ACAN: variants seen among roughly 807,000 people sequenced by gnomAD.
The protein encoded by ACAN is aggrecan, also known as aggrecan core protein.
A neutral mutation model predicts 169.1 loss-of-function variants in ACAN; 47 were observed. The ratio of observed to expected loss-of-function variants is 0.28; its 90% CI spans 0.22 to 0.35. The LOEUF (loss-of-function observed/expected upper bound fraction) is 0.35, where lower values mean the gene tolerates loss of function less well. Among genes scored for constraint, ACAN ranks in the 10% least tolerant of loss-of-function variants. The pLI, the probability that ACAN is intolerant of heterozygous loss-of-function variation, is 1.00. For synonymous variants in ACAN, 1,115 were observed against 1,112.2 expected (o/e 1.00, Z -0.05); for missense variants, 2,716 against 2,759.9 (o/e 0.98, Z 0.36).
At chr15:88,860,756 A>T (rs1897178534) in intron 13 of ACAN, among the ~76,000 whole-genome samples, 1 of 152,218 alleles carries the variant, frequency 6.6e-6, no homozygotes, top group South Asian at 2.1e-4. Flanking sequence ...AATATCGAGC[A>T]TGGGGTGAGT....
At chr15:88,830,511 A>G (rs138314559) in intron 1 of ACAN, among the ~76,000 whole-genome samples, 1 of 152,320 alleles carries the variant, frequency 6.6e-6, no homozygotes, top group Non-Finnish European at 1.5e-5. Flanking sequence ...ACAGCATGTT[A>G]CTGTACTGAA....
chr15:88,812,298 C>T (rs1352784575), intron 1 of ACAN, among the ~76,000 whole-genome samples: 2 of 152,054 alleles, frequency 1.3e-5, no homozygotes, highest in Non-Finnish European at 2.9e-5. Flanking sequence ...AGGACTCCCA[C>T]CCCCTCCTAA....
chr15:88,859,432 TC>T lies in ACAN; in HGVS notation c.6832+20del, dbSNP rs1406325498. Reference sequence around the variant, plus strand: ...AACTGCTGCAGGTATTGTGATTTTTTCCCCCTTTAAATGTGCTTAGGTAGTT... The same window carrying T: ...AACTGCTGCAGGTATTGTGATTTTTTCCCCTTTAAATGTGCTTAGGTAGTT... On this transcript the variant is annotated intron_variant, in intron 12 of 18. Transcript: ENST00000560601. 3.2e-6 allele frequency: 5 copies of T among 1,552,034 alleles called. No homozygotes were observed. Among genetic ancestry groups the T allele is most frequent in the Non-Finnish European group, 4.4e-6 (5 of 1,147,258 alleles).
At chr15:88,824,803 C>T (rs1040398485) in intron 1 of ACAN, among the ~76,000 whole-genome samples, 14 of 151,668 alleles carry the variant, frequency 9.2e-5, no homozygotes, top group East Asian at 7.7e-4. Flanking sequence ...TGCTTGAGCC[C>T]GGGAGGTGGA....
chr15:88,837,758 C>T (rs1359174608), intron 2 of ACAN, among the ~76,000 whole-genome samples: 1 of 152,170 alleles, frequency 6.6e-6, no homozygotes, highest in Non-Finnish European at 1.5e-5. Flanking sequence ...TCTAAGCATT[C>T]CTCGCTCCCC....
In ACAN at chr15:88,871,279, G is replaced by T; in HGVS notation, c.7061-103G>T. The T allele has an allele frequency of 6.6e-7, 1 of 1,505,570 alleles. No individual in the cohort carries two copies. Among genetic ancestry groups the T allele is most frequent in the South Asian group, 1.2e-5 (1 of 83,836 alleles). The allele number at this position is 1,505,570 out of a possible 1,614,324, so 93.3% of individuals were successfully genotyped here. On this transcript the variant is annotated intron_variant, in intron 14 of 18. Coordinates refer to ENST00000560601, the MANE Select transcript of ACAN (RefSeq NM_001369268.1). The surrounding 1 kb of genome is among the most constrained non-coding windows in gnomAD (Gnocchi z 7.8). ...CTCCCTTCCCTTGAGGGCACAGCAT[G>T]GAAGGTGGGGTGAACGCAGGAACCT...
At chr15:88,820,840 C>T (rs956071003) in intron 1 of ACAN, among the ~76,000 whole-genome samples, 5 of 152,018 alleles carry the variant, frequency 3.3e-5, no homozygotes, top group Admixed American at 2.0e-4. Flanking sequence ...TCCATTCTCA[C>T]GCTGCTAATA....
Position 88,841,860 on chromosome 15 carries a change from G to A in ACAN, c.750G>A (p.Glu250=). 2 of 1,612,772 alleles carry A rather than the reference G, an allele frequency of 1.2e-6. No individual in the cohort carries two copies. The highest frequency in any genetic ancestry group is 1.1e-5 in the South Asian group (1 of 90,946). The change falls in exon 5 of 19, where the codon GAG becomes GAA. Residue 250 remains glutamate, a synonymous_variant. Transcript: ENST00000560601. ...ETYDVYCFAE[E]MEGEVFYATS... is the part of the protein sequence containing the mutation. ...ATGATGTGTACTGCTTCGCCGAGGA[G>A]ATGGAGGGTGAGCTGCCCTGCCCAC...
Position 88,845,805 on chromosome 15 carries a change from G to T in ACAN, c.1352G>T (p.Gly451Val). Reference protein sequence around the residue: ...RPWGFPTPGLGPATAFTSEDL... With the variant: ...RPWGFPTPGLVPATAFTSEDL... ...TGGGGCTTTCCCACACCTGGCCTGG[G>T]CCCTGCCACGGCATTCACCAGTGAG... Residue 451 changes from glycine to valine, a missense_variant, in exon 7 of 19, where the codon GGC becomes GTC. Transcript: ENST00000560601. The T allele has an allele frequency of 6.4e-7, 1 of 1,562,304 alleles. No individual in the cohort carries two copies. The highest frequency in any genetic ancestry group is 8.7e-7 in the Non-Finnish European group (1 of 1,153,534).
At position 88,851,848 on chromosome 15, in the gene ACAN, C is replaced by T. The variant is rs766150369; in HGVS notation, c.2081C>T (p.Pro694Leu). Residue 694 changes from proline to leucine, a missense_variant, in exon 11 of 19, where the codon CCC becomes CTC. By Grantham distance (98) the Pro-to-Leu change is moderately conservative. This residue lies in a region of ACAN where 1,283 missense variants were observed against 1,281.5 expected (regional missense o/e 1.00). Transcript: ENST00000560601. This position sits in a 1 kb window ranked among gnomAD's most constrained non-coding sequence, Gnocchi z 4.3. ...GEEEGGTPTS[P>L]SGVEEWIVTQ... ...GAAGAGGGTGGCACACCCACATCAC[C>T]CTCTGGTGTGGAGGAGTGGATCGTG... 1 of 1,611,394 alleles carries T rather than the reference C, an allele frequency of 6.2e-7. No individual in the cohort carries two copies. The highest frequency in any genetic ancestry group is 1.7e-5 in the Admixed American group (1 of 59,570).
At chr15:88,863,014 AAAAG>A (rs1897226910) in intron 13 of ACAN, among the ~76,000 whole-genome samples, 1 of 151,474 alleles carries the variant, frequency 6.6e-6, no homozygotes, top group Non-Finnish European at 1.5e-5. Context: ...AAAAAAAAAA[AAAAG>A]AAACAAGACC....
Position 88,868,052 on chromosome 15 carries a change from G to GGCAGCAGCA in ACAN, c.6947-148_6947-140dup, listed in dbSNP as rs541175678. 1.3e-5 allele frequency among the ~76,000 whole-genome samples: 2 copies of GGCAGCAGCA among 151,982 alleles called. No homozygotes were observed. The highest frequency in any genetic ancestry group is 2.9e-5 in the Non-Finnish European group (2 of 67,990). On this transcript the variant is annotated intron_variant, in intron 13 of 18. Coordinates refer to ENST00000560601, the MANE Select transcript of ACAN (RefSeq NM_001369268.1). The surrounding 1 kb of genome is among the most constrained non-coding windows in gnomAD (Gnocchi z 5.2). ...GATCTTTGCTTCAGCACTCCAAGATGGCAGCAGCAGCAGCAGCAGCAGCAA... is the reference window on the plus strand; with the variant it reads ...GATCTTTGCTTCAGCACTCCAAGATGGCAGCAGCAGCAGCAGCAGCAGCAGCAGCAGCAA...
In ACAN at chr15:88,842,176, G is replaced by A. The variant is rs74029634; in HGVS notation, c.757+309G>A. Reference sequence around the variant, plus strand: ...CCTCCCAGCTGAGACCCTGGCTGCTGTGACAAGCACATCCCTGTTCTAAGG... The same window carrying A: ...CCTCCCAGCTGAGACCCTGGCTGCTATGACAAGCACATCCCTGTTCTAAGG... On this transcript the variant is annotated intron_variant, in intron 5 of 18. Transcript: ENST00000560601. Among the ~76,000 whole-genome samples, 1,096 of 152,268 alleles carry A rather than the reference G, an allele frequency of 7.2e-3. 10 individuals are homozygous for A. Among genetic ancestry groups the A allele is most frequent in the African/African-American group, 0.025 (1,038 of 41,528 alleles).
chr15:88,839,882 C>T lies in ACAN; in HGVS notation c.455-130C>T, dbSNP rs1896604783. 1 of 1,062,944 alleles carries T rather than the reference C, an allele frequency of 9.4e-7. No homozygotes were observed. The highest frequency in any genetic ancestry group is 1.4e-6 in the Non-Finnish European group (1 of 735,466). 65.8% of individuals were successfully genotyped at this position (1,062,944 alleles called of 1,614,324 possible). ...TCACGTGCAAAGGTGTACAGGGAGT[C>T]ATGCATCAGCCCAGACCAGCCAGTT... On this transcript the variant is annotated intron_variant, in intron 3 of 18. Coordinates refer to ENST00000560601, the MANE Select transcript of ACAN (RefSeq NM_001369268.1). This position sits in a 1 kb window ranked among gnomAD's most constrained non-coding sequence, Gnocchi z 4.5.
At chr15:88,833,341 C>T (rs991041836) in intron 1 of ACAN, among the ~76,000 whole-genome samples, 10 of 152,166 alleles carry the variant, frequency 6.6e-5, no homozygotes, top group South Asian at 2.1e-4. Flanking sequence ...GACTCTCACC[C>T]GGCCTTCACC....
At chr15:88,817,721 G>T (rs368156433) in intron 1 of ACAN, among the ~76,000 whole-genome samples, 3 of 151,870 alleles carry the variant, frequency 2.0e-5, no homozygotes, top group South Asian at 4.1e-4. Flanking sequence ...AGGCATAGTG[G>T]TGCATGCCTA....
chr15:88,842,393 C>G (rs1486568212), intron 5 of ACAN, among the ~76,000 whole-genome samples: 2 of 152,130 alleles, frequency 1.3e-5, no homozygotes, highest in Non-Finnish European at 2.9e-5. Context: ...GTAAAGGGCA[C>G]CAGTTTTAGT....
intron 2 of ACAN, among the ~76,000 whole-genome samples, 155 bp downstream of exon 2, chr15:88,836,431 TAAC>T (rs1443737489): frequency 6.6e-6 from 1 of 152,128 alleles, no homozygotes; most frequent in Non-Finnish European, 1.5e-5. Context: ...GATGCATGCA[TAAC>T]TGTGATGGGA....
Position 88,838,460 on chromosome 15 carries a change from G to A in ACAN, c.71-203G>A, listed in dbSNP as rs574108137. 3.3e-5 allele frequency among the ~76,000 whole-genome samples: 5 copies of A among 151,848 alleles called. No individual in the cohort carries two copies. In the South Asian group the frequency reaches 1.0e-3, roughly 32 times the overall value. On this transcript the variant is annotated intron_variant, in intron 2 of 18. Transcript: ENST00000560601. This position sits in a 1 kb window ranked among gnomAD's most constrained non-coding sequence, Gnocchi z 5.1. ...TCGAGATGCAGAGGCCAGGGGTCTT[G>A]AGGAACACTGCTCTGGAAAGGGCGT... is the stretch of plus-strand genomic sequence containing the variant.
Sources: allele counts gnomAD v4.1 joint callset (sites outside exome capture counted in the v4.1 genomes callset), GRCh38; gene constraint gnomAD v4.1.1; regional missense constraint gnomAD v4.1.1; non-coding constraint Gnocchi (gnomAD v3.1); transcripts MANE v1.5; gene names NCBI Gene and HGNC (gene_info 2026-07-23, HGNC 2026-07-21).